The following PCDHGA8 variants were observed in gnomAD, a reference collection of about 807,000 sequenced individuals.
PCDHGA8 encodes the protein protocadherin gamma-A8.
In PCDHGA8, 45 loss-of-function variants were observed where a neutral mutation model predicts 59.2. That is an observed-to-expected ratio of 0.76 (90% CI 0.60 to 0.98). PCDHGA8 has a LOEUF of 0.98. PCDHGA8 is among the 50% of genes least tolerant of loss of function. PCDHGA8 has a pLI of 0.00. For missense variants in PCDHGA8, 1,257 were observed against 1,196.2 expected (o/e 1.05, Z -0.75); for synonymous variants, 531 against 519.0 (o/e 1.02, Z -0.32).
intron 1 of PCDHGA8, chr5:141,420,079 C>T (rs1362049053): frequency 6.2e-7 from 1 of 1,613,998 alleles, no homozygotes; most frequent in Non-Finnish European, 8.5e-7. Flanking sequence ...CTGTGGGTCC[C>T]CCCAACTACA....
intron 1 of PCDHGA8, among the ~76,000 whole-genome samples, chr5:141,450,025 G>C (rs963999877): frequency 2.7e-5 from 1 of 36,752 alleles, no homozygotes; most frequent in Non-Finnish European, 5.4e-5. Context: ...TTTTTTTTTT[G>C]AGACAGGGTC....
chr5:141,410,345 C>T, intron 1 of PCDHGA8: 1 of 1,614,040 alleles, frequency 6.2e-7, no homozygotes, highest in Non-Finnish European at 8.5e-7. Flanking sequence ...TGCCTTGCGC[C>T]TGCGACGCTC....
chr5:141,441,692 G>A (rs1165171238), intron 1 of PCDHGA8: 2 of 301,376 alleles, frequency 6.6e-6, no homozygotes, highest in Non-Finnish European at 1.3e-5. Context: ...AAGAGCAGCC[G>A]CGAGCCTTCA....
At chr5:141,427,132 G>A (rs755992698) in intron 1 of PCDHGA8, 1 of 457,106 alleles carries the variant, frequency 2.2e-6, no homozygotes, top group South Asian at 1.5e-5. Flanking sequence ...AAATCCCTAC[G>A]AGATGATATT....
At chr5:141,444,299 G>A (rs1017908182) in intron 1 of PCDHGA8, among the ~76,000 whole-genome samples, 20 of 150,672 alleles carry the variant, frequency 1.3e-4, no homozygotes, top group Non-Finnish European at 2.7e-4. Context: ...AGCCTCCCTA[G>A]TAGCTAGGAT....
At position 141,505,514 on chromosome 5, in the gene PCDHGA8, G is replaced by A. The variant is rs758026551; in HGVS notation, c.2572+33G>A. The A allele has an allele frequency of 1.2e-5, 20 of 1,613,682 alleles. No homozygotes were observed. The South Asian group carries it at 1.8e-4, about 14-fold the overall frequency. ...GTGTCAGTGTGTGTATGGAAGAGTGGGAGACCTGGGGTTCTGGGGTGCATC... is the reference window on the plus strand; with the variant it reads ...GTGTCAGTGTGTGTATGGAAGAGTGAGAGACCTGGGGTTCTGGGGTGCATC... On this transcript the variant is annotated intron_variant, in intron 3 of 3. Transcript: ENST00000398604.
In PCDHGA8 at chr5:141,486,610, C is replaced by G; in HGVS notation, c.2425-8197C>G. 6.2e-7 allele frequency: 1 copy of G among 1,613,620 alleles called. No homozygotes were observed. The highest frequency in any genetic ancestry group is 8.5e-7 in the Non-Finnish European group (1 of 1,180,038). On this transcript the variant is annotated intron_variant, in intron 1 of 3. Coordinates refer to ENST00000398604, the MANE Select transcript of PCDHGA8 (RefSeq NM_032088.2). This position sits in a 1 kb window ranked among gnomAD's most constrained non-coding sequence, Gnocchi z 5.0. ...GGGACCTGCTTTGCTCCCTTGCAGC[C>G]TCTGACCCAGACTCTGGCTTGAATG...
rs1462148828 is a variant in PCDHGA8 at position 141,392,863 on chromosome 5, G to A, written c.50G>A (p.Cys17Tyr). The change falls in exon 1 of 4, where the codon TGC (cysteine) becomes TAC (tyrosine). Residue 17 changes from cysteine to tyrosine, a missense_variant. By Grantham distance (194) the Cys-to-Tyr change is radical. Transcript: ENST00000398604. ...RPRRGELILL[C>Y]ALLGTLWEIG... ...AGACGCGGCGAGCTGATCCTGCTGT[G>A]CGCGCTGCTGGGAACGCTGTGGGAA... 3 of 1,612,774 alleles carry A rather than the reference G, an allele frequency of 1.9e-6. No individual in the cohort carries two copies. Among genetic ancestry groups the A allele is most frequent in the African/African-American group, 2.7e-5 (2 of 74,930 alleles).
chr5:141,491,802 G>C lies in PCDHGA8; in HGVS notation c.2425-3005G>C, dbSNP rs759587995. 1 of 1,497,480 alleles carries C rather than the reference G, an allele frequency of 6.7e-7. No homozygotes were observed. The highest frequency in any genetic ancestry group is 1.3e-5 in the South Asian group (1 of 74,938). The allele number at this position is 1,497,480 out of a possible 1,614,324, so 92.8% of individuals were successfully genotyped here. A position where few individuals can be genotyped will look rare whatever the true frequency, so the allele number is the denominator to read the frequency against. On this transcript the variant is annotated intron_variant, in intron 1 of 3. Coordinates refer to ENST00000398604, the MANE Select transcript of PCDHGA8 (RefSeq NM_032088.2). The surrounding 1 kb of genome is among the most constrained non-coding windows in gnomAD (Gnocchi z 6.9). ...ACTTGCATCCACTCCTCTCCGGCCG[G>C]CTTGGTCGCTGGCTGCGCTCCACCC...
chr5:141,492,064 C>T (rs1562152072), intron 1 of PCDHGA8: 3 of 484,366 alleles, frequency 6.2e-6, no homozygotes, highest in Non-Finnish European at 1.1e-5. Context: ...AGCCAGCCTC[C>T]TAGGCGCCGG....
chr5:141,503,213 A>G (rs1368413073), intron 2 of PCDHGA8, among the ~76,000 whole-genome samples: 1 of 152,100 alleles, frequency 6.6e-6, no homozygotes, highest in Non-Finnish European at 1.5e-5. Flanking sequence ...AGTGCCCACC[A>G]TGAGCACCGT....
At chr5:141,506,700 G>A (rs780282969) in intron 3 of PCDHGA8, among the ~76,000 whole-genome samples, 3 of 152,138 alleles carry the variant, frequency 2.0e-5, no homozygotes, top group Non-Finnish European at 2.9e-5. Flanking sequence ...ACCCAAACCC[G>A]TTTTTTACTG....
intron 1 of PCDHGA8, chr5:141,397,846 A>C: frequency 1.9e-6 from 1 of 528,462 alleles, no homozygotes; most frequent in South Asian, 3.1e-5. Flanking sequence ...GAAGCCGCAG[A>C]GGCTGTAGTT....
At chr5:141,479,849 C>T (rs1014214860) in intron 1 of PCDHGA8, among the ~76,000 whole-genome samples, 7 of 152,208 alleles carry the variant, frequency 4.6e-5, no homozygotes. Context: ...AAGGTGACTG[C>T]AAGGCCTTTG....
chr5:141,477,519 A>C lies in PCDHGA8; in HGVS notation c.2425-17288A>C, dbSNP rs1255751458. 1 of 1,614,174 alleles carries C rather than the reference A, an allele frequency of 6.2e-7. No individual in the cohort carries two copies. The highest frequency in any genetic ancestry group is 2.2e-5 in the East Asian group (1 of 44,882). Reference sequence around the variant, plus strand: ...TCTTCCTACGACGTTTACATTGAAGAAAACAACCTCCCCGGGGCTCCAATA... The same window carrying C: ...TCTTCCTACGACGTTTACATTGAAGCAAACAACCTCCCCGGGGCTCCAATA... On this transcript the variant is annotated intron_variant, in intron 1 of 3. Transcript: ENST00000398604. The surrounding 1 kb of genome is among the most constrained non-coding windows in gnomAD (Gnocchi z 4.9).
intron 1 of PCDHGA8, chr5:141,419,325 A>G (rs1490162008): frequency 6.2e-7 from 1 of 1,613,586 alleles, no homozygotes; most frequent in Non-Finnish European, 8.5e-7. Flanking sequence ...CGTGTCTCCT[A>G]CTCTCTCATT....
intron 1 of PCDHGA8, among the ~76,000 whole-genome samples, chr5:141,456,968 A>AAAAC (rs202005606): frequency 1.3e-4 from 20 of 152,282 alleles, no homozygotes; most frequent in Middle Eastern, 3.4e-3. Flanking sequence ...ATCTCAAAAC[A>AAAAC]AAACAAACAA....
Position 141,431,645 on chromosome 5 carries a change from T to C in PCDHGA8, c.2424+36408T>C. ...GGCGGCCCAAGTTTTCAAACTAGAT[T>C]GTAATTCAGGGACAATATCAACAAT... is the stretch of plus-strand genomic sequence containing the variant. On this transcript the variant is annotated intron_variant, in intron 1 of 3. Coordinates refer to ENST00000398604, the MANE Select transcript of PCDHGA8 (RefSeq NM_032088.2). This position sits in a 1 kb window ranked among gnomAD's most constrained non-coding sequence, Gnocchi z 4.8. 6.2e-7 allele frequency: 1 copy of C among 1,614,236 alleles called. No individual in the cohort carries two copies.
rs187307897 is a variant in PCDHGA8 at position 141,505,900 on chromosome 5, A to G, written c.2572+419A>G. 2.6e-4 allele frequency among the ~76,000 whole-genome samples: 39 copies of G among 152,296 alleles called. 1 individual carries two copies. In the East Asian group the frequency reaches 6.8e-3, roughly 26 times the overall value. ...TGTAGAGATTAAATGAGATGATACCACAAAGCATAGAGTTCTGGGCCTGGC... is the reference window on the plus strand; with the variant it reads ...TGTAGAGATTAAATGAGATGATACCGCAAAGCATAGAGTTCTGGGCCTGGC... On this transcript the variant is annotated intron_variant, in intron 3 of 3. Transcript: ENST00000398604.
Sources: gnomAD v4.1 joint callset for allele counts (sites outside exome capture counted in the v4.1 genomes callset) on GRCh38, gnomAD v4.1.1 for gene constraint, Gnocchi (gnomAD v3.1) non-coding constraint, MANE v1.5 for transcripts, NCBI Gene and HGNC (gene_info 2026-07-23, HGNC 2026-07-21) for gene names.